TMEM165: variants seen among roughly 807,000 people sequenced by gnomAD.
TMEM165 encodes putative divalent cation/proton antiporter TMEM165.
Under a neutral mutation model 30.0 loss-of-function variants are expected in TMEM165, and 19 were observed. That is an observed-to-expected ratio of 0.63 (90% confidence interval 0.44 to 0.93). The LOEUF (loss-of-function observed/expected upper bound fraction) is 0.93. Ranked by LOEUF, TMEM165 falls within the 40% of genes least tolerant of loss-of-function variation. The probability of loss-of-function intolerance (pLI) is 0.00; values close to 1 mark genes in which losing one functional copy is unlikely to be tolerated. For missense variants in TMEM165, 340 were observed against 417.0 expected, an observed-to-expected ratio of 0.82 and a Z score of 1.61; for synonymous variants, 168 against 162.9, an observed-to-expected ratio of 1.03 and a Z score of -0.24.
At chr4:55,443,784 A>G (rs761329980) in intron 3 of TMEM165, 2 of 1,614,098 alleles carry the variant, frequency 1.2e-6, no homozygotes, top group South Asian at 2.2e-5. Flanking sequence ...GTTAGTAGGA[A>G]CAACTTGGCC....
rs1334888892 is a variant in TMEM165, at chr4:55,402,403, G to GTGTGTA, written c.207+6008_207+6009insGTGTAT. ...TAAGTGCGTGCGTGTGTGTGTGTGT[G>GTGTGTA]TATATATATATATATATATATATAT... On this transcript the variant is annotated intron_variant, in intron 1 of 5. Transcript: ENST00000381334. Among the ~76,000 whole-genome samples, 299 of 48,044 alleles carry GTGTGTA rather than the reference G, an allele frequency of 6.2e-3. 1 individual carries two copies. The highest frequency in any genetic ancestry group is 7.8e-3 in the Non-Finnish European group (229 of 29,254). 31.5% of individuals were successfully genotyped at this position (48,044 alleles called of 152,430 possible).
At chr4:55,413,189 A>C (rs1277630497) in intron 2 of TMEM165, among the ~76,000 whole-genome samples, 1 of 152,140 alleles carries the variant, frequency 6.6e-6, no homozygotes, top group Admixed American at 6.5e-5. Flanking sequence ...TGTGTTGCCC[A>C]GGCTGATCTT....
intron 3 of TMEM165, among the ~76,000 whole-genome samples, chr4:55,444,110 T>G (rs1420606190): frequency 6.6e-6 from 1 of 152,192 alleles, no homozygotes; most frequent in Non-Finnish European, 1.5e-5. Context: ...TTAGAAAAAG[T>G]GTAACTAGTG....
intron 4 of TMEM165, among the ~76,000 whole-genome samples, chr4:55,418,364 A>C (rs987989433): frequency 1.3e-5 from 2 of 152,128 alleles, no homozygotes; most frequent in African/African-American, 4.8e-5. Flanking sequence ...AAAGCCTTAA[A>C]AATGTGTAGC....
Position 55,417,103 on chromosome 4 carries a change from C to T in TMEM165, c.465C>T (p.Pro155=). 6.2e-7 allele frequency: 1 copy of T among 1,608,146 alleles called. No individual in the cohort carries two copies. Among genetic ancestry groups the T allele is most frequent in the Non-Finnish European group, 8.5e-7 (1 of 1,178,152 alleles). The change falls in exon 3 of 6, where the codon CCC becomes CCT. Residue 155 remains proline, a synonymous_variant. Transcript: ENST00000381334. ...TTGGCTATGCCACCACAGTCATCCCCAGGGTCTATACATACTATGTTTCAA... is the reference window on the plus strand; with the variant it reads ...TTGGCTATGCCACCACAGTCATCCCTAGGGTCTATACATACTATGTTTCAA... The part of the protein sequence containing the change: ...VLFGYATTVI[P]RVYTYYVSTV...
At chr4:55,444,509 A>T in intron 3 of TMEM165, 1 of 1,160,812 alleles carries the variant, frequency 8.6e-7, no homozygotes, top group Non-Finnish European at 1.3e-6. Flanking sequence ...ACCAGTGAAT[A>T]TTTATTGAAC....
intron 1 of TMEM165, among the ~76,000 whole-genome samples, chr4:55,402,825 T>A (rs1578229949): frequency 1.1e-5 from 1 of 94,318 alleles, no homozygotes; most frequent in Non-Finnish European, 2.1e-5. Flanking sequence ...GGAGTCTTGC[T>A]CTGTCGCCCA....
chr4:55,426,339 G>T (rs1310409853), downstream of TMEM165, among the ~76,000 whole-genome samples: 1 of 152,124 alleles, frequency 6.6e-6, no homozygotes, highest in Admixed American at 6.5e-5. Context: ...GTTCTGTGAG[G>T]TAGTAGGTAC....
chr4:55,434,750 T>C (rs184653993), intron 3 of TMEM165: 1 of 155,318 alleles, frequency 6.4e-6, no homozygotes, highest in African/African-American at 2.4e-5. Context: ...AGTTTGCACA[T>C]GGTGTCAGAA....
chr4:55,427,923 T>C (rs1428679495), downstream of TMEM165: 1 of 152,212 alleles, frequency 6.6e-6, no homozygotes, highest in Non-Finnish European at 1.5e-5. Context: ...TCTTAAAATA[T>C]TTAATAGTCT....
chr4:55,420,106 A>AAAAAAAAAAAT lies in TMEM165; in HGVS notation c.792+2122_792+2123insAAAAAAAAATA, dbSNP rs1474254120. On this transcript the variant is annotated intron_variant, in intron 4 of 5. Transcript: ENST00000381334. ...GTGAGACACTATCTTAAGAAAAAAA[A>AAAAAAAAAAAT]ATATATATATATATACATATATATT... 1.1e-4 allele frequency among the ~76,000 whole-genome samples: 5 copies of AAAAAAAAAAAT among 45,442 alleles called. 1 individual carries two copies. Among genetic ancestry groups the AAAAAAAAAAAT allele is most frequent in the Non-Finnish European group, 1.6e-4 (4 of 24,274 alleles). The allele number at this position is 45,442 out of a possible 152,430, so 29.8% of individuals were successfully genotyped here.
intron 3 of TMEM165, chr4:55,443,771 C>G (rs768370005): frequency 1.2e-6 from 2 of 1,613,954 alleles, no homozygotes; most frequent in African/African-American, 1.3e-5. Context: ...CACTTTGAAT[C>G]TGGTTAGTAG....
At chr4:55,445,485 G>A (rs1723733216) in intron 3 of TMEM165, among the ~76,000 whole-genome samples, 1 of 151,904 alleles carries the variant, frequency 6.6e-6, no homozygotes, top group Non-Finnish European at 1.5e-5. Flanking sequence ...AGGAGGTTAG[G>A]AGCTTGTGGG....
chr4:55,398,389 A>C (rs1204841949), intron 1 of TMEM165, among the ~76,000 whole-genome samples: 1 of 152,356 alleles, frequency 6.6e-6, no homozygotes, highest in Admixed American at 6.5e-5. Flanking sequence ...TGTAAGGAAT[A>C]GTGGTTTAAT....
intron 1 of TMEM165, among the ~76,000 whole-genome samples, chr4:55,404,045 C>CTTTTTTTTTTTTTTTTCT (rs1721167417): frequency 8.2e-6 from 1 of 121,940 alleles, no homozygotes; most frequent in African/African-American, 2.8e-5. Flanking sequence ...TCTTTCTTTC[C>CTTTTTTTTTTTTTTTTCT]TTTTTTTTTT....
At chr4:55,432,640 T>A (rs1200745977) in intron 3 of TMEM165, 1 of 139,072 alleles carries the variant, frequency 7.2e-6, no homozygotes, top group Admixed American at 7.1e-5. Context: ...GGGGGCGGGA[T>A]AGCTTTGCAA....
intron 4 of TMEM165, among the ~76,000 whole-genome samples, chr4:55,419,135 G>A (rs1489380868): frequency 4.6e-5 from 7 of 152,076 alleles, no homozygotes; most frequent in Non-Finnish European, 1.0e-4. Flanking sequence ...CTATCGTTGC[G>A]TACTGCTATT....
chr4:55,420,674 T>C (rs1186062794), intron 4 of TMEM165, among the ~76,000 whole-genome samples: 2 of 152,174 alleles, frequency 1.3e-5, no homozygotes, highest in Admixed American at 1.3e-4. Context: ...GTATTCCTAT[T>C]TTTGTTGGTA....
chr4:55,403,770 A>C (rs898878233), intron 1 of TMEM165, among the ~76,000 whole-genome samples: 34 of 152,188 alleles, frequency 2.2e-4, no homozygotes, highest in African/African-American at 8.2e-4. Flanking sequence ...TCCTGTATGC[A>C]TCCAAGTATA....
Sources: allele counts gnomAD v4.1 joint callset (sites outside exome capture counted in the v4.1 genomes callset), GRCh38; gene constraint gnomAD v4.1.1; transcripts MANE v1.5; gene names NCBI Gene and HGNC (gene_info 2026-07-23, HGNC 2026-07-21).